Variants in SLC67A1 observed in about 807,000 individuals in gnomAD.
SLC67A1 encodes solute carrier family 67 member 1.
chr11:2,923,115 C>T, the SLC67A1 span, among the ~76,000 whole-genome samples: 1 of 152,208 alleles, frequency 6.6e-6, no homozygotes, highest in African/African-American at 2.4e-5. This position sits in a 1 kb window ranked among gnomAD's most constrained non-coding sequence, Gnocchi z 6.5. Flanking sequence ...CTGGGGGTGT[C>T]CTGGGCCCGA....
chr11:2,922,830 G>A, the SLC67A1 span, among the ~76,000 whole-genome samples: 722 of 152,282 alleles, frequency 4.7e-3, 9 homozygotes, highest in African/African-American at 0.017. Context: ...GCAGGTGGCA[G>A]TTGGCTTGGC....
chr11:2,919,173 A>C, the SLC67A1 span: 1 of 654,722 alleles, frequency 1.5e-6, no homozygotes, highest in Non-Finnish European at 2.8e-6. Context: ...GGCTGGCATC[A>C]CAGGCCCCTC....
chr11:2,908,472 G>C, the SLC67A1 span: 1 of 615,280 alleles, frequency 1.6e-6, no homozygotes, highest in African/African-American at 1.9e-5. Context: ...CAGGCCGATG[G>C]GGGTGCAGAA....
At chr11:2,904,657 G>A in the SLC67A1 span, among the ~76,000 whole-genome samples, 1 of 152,252 alleles carries the variant, frequency 6.6e-6, no homozygotes, top group African/African-American at 2.4e-5. Flanking sequence ...GTGCCCAGGA[G>A]CTGACCCTGA....
At chr11:2,917,258 C>A in the SLC67A1 span, among the ~76,000 whole-genome samples, 1 of 152,236 alleles carries the variant, frequency 6.6e-6, no homozygotes, top group Non-Finnish European at 1.5e-5. Flanking sequence ...AACGCAGCCC[C>A]TTTGTGCCAG....
At chr11:2,922,468 C>A in the SLC67A1 span, 1 of 1,612,408 alleles carries the variant, frequency 6.2e-7, no homozygotes, top group Non-Finnish European at 8.5e-7. Flanking sequence ...ACTTCTGCCT[C>A]CTGGTGCCCG....
At chr11:2,911,605 G>A in the SLC67A1 span, among the ~76,000 whole-genome samples, 1 of 152,240 alleles carries the variant, frequency 6.6e-6, no homozygotes, top group East Asian at 1.9e-4. Flanking sequence ...TACTCTGCCG[G>A]CTCAGGGCCC....
chr11:2,918,217 G>A, the SLC67A1 span: 1 of 713,570 alleles, frequency 1.4e-6, no homozygotes, highest in Admixed American at 2.9e-5. Flanking sequence ...AGAGCAGGCA[G>A]GAGCGGGAGG....
the SLC67A1 span, chr11:2,918,123 G>A: frequency 6.3e-6 from 10 of 1,575,536 alleles, no homozygotes; most frequent in South Asian, 2.2e-5. Context: ...CCCCAACAGC[G>A]GCCAGAGCCT....
At chr11:2,923,111 G>A in the SLC67A1 span, among the ~76,000 whole-genome samples, 1 of 152,218 alleles carries the variant, frequency 6.6e-6, no homozygotes, top group South Asian at 2.1e-4. The surrounding 1 kb of genome is among the most constrained non-coding windows in gnomAD (Gnocchi z 6.5). Flanking sequence ...CAGACTGGGG[G>A]TGTCCTGGGC....
the SLC67A1 span, among the ~76,000 whole-genome samples, chr11:2,901,234 C>T: frequency 6.6e-5 from 10 of 152,316 alleles, no homozygotes; most frequent in East Asian, 1.9e-4. Context: ...AGCTGCTGAA[C>T]GAAGGGTAGC....
At chr11:2,913,405 T>G in the SLC67A1 span, among the ~76,000 whole-genome samples, 1 of 151,920 alleles carries the variant, frequency 6.6e-6, no homozygotes, top group Non-Finnish European at 1.5e-5. Flanking sequence ...CAGAGCCCAT[T>G]TGGGGCAGGA....
At chr11:2,901,881 C>T in the SLC67A1 span, among the ~76,000 whole-genome samples, 1 of 152,348 alleles carries the variant, frequency 6.6e-6, no homozygotes, top group Non-Finnish European at 1.5e-5. Context: ...CCCTCACCAC[C>T]ATTCCTCCGC....
the SLC67A1 span, chr11:2,924,921 G>A: frequency 1.6e-6 from 2 of 1,262,858 alleles, no homozygotes; most frequent in Non-Finnish European, 2.2e-6. This position sits in a 1 kb window ranked among gnomAD's most constrained non-coding sequence, Gnocchi z 8.6. Flanking sequence ...GGTGGGTCAG[G>A]AGAGATGGGA....
chr11:2,921,010 G>A, the SLC67A1 span: 2 of 150,500 alleles, frequency 1.3e-5, no homozygotes, highest in East Asian at 2.0e-4. Context: ...CCCAAGGTCA[G>A]GAGATTGAGA....
chr11:2,923,654 G>T, the SLC67A1 span, among the ~76,000 whole-genome samples: 2 of 152,198 alleles, frequency 1.3e-5, no homozygotes, highest in Non-Finnish European at 2.9e-5. The surrounding 1 kb of genome is among the most constrained non-coding windows in gnomAD (Gnocchi z 6.5). Flanking sequence ...AGGGCTTCCT[G>T]GAGGAGGTTG....
the SLC67A1 span, chr11:2,922,360 G>T: frequency 1.9e-6 from 3 of 1,573,056 alleles, no homozygotes; most frequent in South Asian, 3.4e-5. Flanking sequence ...AGGGTGGGGA[G>T]GGACAGGTAA....
chr11:2,919,002 A>C, the SLC67A1 span: 1 of 368,112 alleles, frequency 2.7e-6, no homozygotes, highest in Non-Finnish European at 5.1e-6. Context: ...TATAACAGAG[A>C]GCCGTGGTGG....
the SLC67A1 span, among the ~76,000 whole-genome samples, chr11:2,901,222 T>TGAGCTGCTGAACGAAGGG: frequency 1.3e-5 from 2 of 152,254 alleles, no homozygotes; most frequent in African/African-American, 4.8e-5. Flanking sequence ...CCAACATATC[T>TGAGCTGCTGAACGAAGGG]GAGCTGCTGA....
Sources: allele counts gnomAD v4.1 joint callset (sites outside exome capture counted in the v4.1 genomes callset), GRCh38; gene constraint gnomAD v4.1.1; non-coding constraint Gnocchi (gnomAD v3.1); transcripts MANE v1.5; gene names NCBI Gene and HGNC (gene_info 2026-07-23, HGNC 2026-07-21).